The following ECPAS variants were observed in gnomAD, a reference collection of about 807,000 sequenced individuals.
The protein encoded by ECPAS is proteasome adapter and scaffold protein ECM29.
In ECPAS, 70 loss-of-function variants were observed where a neutral mutation model predicts 255.1. The observed-to-expected ratio is 0.27, with a 90% CI of 0.23 to 0.33. ECPAS has a LOEUF of 0.33. Among genes scored for constraint, ECPAS ranks in the 10% least tolerant of loss-of-function variants. The probability of loss-of-function intolerance (pLI) is 1.00; values close to 1 mark genes in which losing one functional copy is unlikely to be tolerated. For synonymous variants in ECPAS, 784 were observed against 775.0 expected, an observed-to-expected ratio of 1.01 and a Z score of -0.19; for missense variants, 1,817 against 2,206.4, an observed-to-expected ratio of 0.82 and a Z score of 3.54.
chr9:111,378,665 A>G lies in ECPAS; in HGVS notation c.3869T>C (p.Leu1290Pro). 1 of 1,613,882 alleles carries G rather than the reference A, an allele frequency of 6.2e-7. No individual in the cohort carries two copies. The highest frequency in any genetic ancestry group is 8.5e-7 in the Non-Finnish European group (1 of 1,179,786). The change falls in exon 36 of 50, where the codon CTC (leucine) becomes CCC (proline). Residue 1290 changes from leucine to proline, a missense_variant. Leu to Pro is a moderately conservative substitution (Grantham distance 98). This residue lies in a region of ECPAS where 960 missense variants were observed against 1,179.0 expected (regional missense o/e 0.81). Coordinates refer to ENST00000684092, the MANE Select transcript of ECPAS (RefSeq NM_001364929.1). ...GAMLKPHAPK[L>P]IPALLESLSV... is the part of the protein sequence containing the mutation. The stretch of plus-strand genomic sequence containing the variant: ...TAAGGACTCTAGCAGAGCTGGAATG[A>G]GTTTTGGTGCATGCGGTTTCAACAT...
At chr9:111,383,968 TATC>T (rs55718434) in intron 34 of ECPAS, among the ~76,000 whole-genome samples, 137 of 150,970 alleles carry the variant, frequency 9.1e-4, no homozygotes, top group African/African-American at 1.3e-3. Context: ...TTTGAAGTGT[TATC>T]ATCATCATCA....
rs1220482620 is a variant in ECPAS, at chr9:111,445,152, C to T, written c.154-658G>A. 1.1e-4 allele frequency among the ~76,000 whole-genome samples: 16 copies of T among 151,848 alleles called. 1 individual carries two copies. The highest frequency in any genetic ancestry group is 3.9e-4 in the East Asian group (2 of 5,150). ...CTGGGATTACAGGTACCCGCCATCA[C>T]GCCTGGCTAATTTTTGTATTCTAGT... On this transcript the variant is annotated intron_variant, in intron 3 of 49. Transcript: ENST00000684092.
At chr9:111,413,839 T>C in intron 20 of ECPAS, 56 bp downstream of exon 20, 2 of 1,109,956 alleles carry the variant, frequency 1.8e-6, no homozygotes, top group South Asian at 3.2e-5. Context: ...AAAGAAATCA[T>C]GAAGTTAAGG....
chr9:111,377,575 A>G (rs2098134818), intron 36 of ECPAS, among the ~76,000 whole-genome samples: 2 of 152,258 alleles, frequency 1.3e-5, no homozygotes, highest in Non-Finnish European at 2.9e-5. Flanking sequence ...ATACATTAAA[A>G]AGAATAAGTG....
At chr9:111,437,815 T>C (rs555925996) in intron 6 of ECPAS, among the ~76,000 whole-genome samples, 2 of 152,294 alleles carry the variant, frequency 1.3e-5, no homozygotes, top group East Asian at 3.9e-4. Context: ...TCTAAGAAAT[T>C]CATTTTGATC....
At chr9:111,483,344 C>G (rs1344074625) in intron 1 of ECPAS, among the ~76,000 whole-genome samples, 1 of 151,246 alleles carries the variant, frequency 6.6e-6, no homozygotes, top group Non-Finnish European at 1.5e-5. Flanking sequence ...ACGGTCCGCG[C>G]CCCGCCCGTC....
chr9:111,449,257 A>G (rs1306647902), intron 3 of ECPAS, among the ~76,000 whole-genome samples: 1 of 152,142 alleles, frequency 6.6e-6, no homozygotes, highest in African/African-American at 2.4e-5. Context: ...ATACAGTTAA[A>G]AAGGGAACAT....
chr9:111,374,819 G>T (rs779035126), intron 38 of ECPAS, among the ~76,000 whole-genome samples: 2 of 152,128 alleles, frequency 1.3e-5, no homozygotes, highest in African/African-American at 4.8e-5. Flanking sequence ...CCTAATAACT[G>T]GATGTGCATT....
rs182718008 is a variant in ECPAS, at chr9:111,456,088, G to A, written c.23-4533C>T. Among the ~76,000 whole-genome samples the A allele has an allele frequency of 6.6e-3, 1,006 of 152,230 alleles. 8 individuals carry two copies. The highest frequency in any genetic ancestry group is 0.024 in the Middle Eastern group (7 of 294). On this transcript the variant is annotated intron_variant, in intron 2 of 49. Coordinates refer to ENST00000684092, the MANE Select transcript of ECPAS (RefSeq NM_001364929.1). ...CATCTGGAATTTTCTTTTGGTATAT[G>A]GAGGGATGTAGGAAACAAGTCTTTG... is the stretch of plus-strand genomic sequence containing the variant.
chr9:111,368,946 AATAACT>A, intron 46 of ECPAS, 83 bp downstream of exon 46: 10 of 1,264,074 alleles, frequency 7.9e-6, no homozygotes, highest in South Asian at 5.1e-5. Flanking sequence ...GATAAGAAAC[AATAACT>A]ATAATTTGTC....
rs1454007519 is a variant in ECPAS at position 111,472,576 on chromosome 9, G to A, written c.22+321C>T. Among the ~76,000 whole-genome samples the A allele has an allele frequency of 2.7e-5, 4 of 150,668 alleles. No homozygotes were observed. In the East Asian group the frequency reaches 5.8e-4, roughly 22 times the overall value. On this transcript the variant is annotated intron_variant, in intron 2 of 49. Coordinates refer to ENST00000684092, the MANE Select transcript of ECPAS (RefSeq NM_001364929.1). ...ATCACTTGAGCCTTGGGAGATCAAGGCTACAATGAGCCATGACTGCCCCAC... is the reference window on the plus strand; with the variant it reads ...ATCACTTGAGCCTTGGGAGATCAAGACTACAATGAGCCATGACTGCCCCAC...
rs537592615 is a variant in ECPAS, at chr9:111,447,985, A to AG, written c.153+3439_153+3440insC. Among the ~76,000 whole-genome samples the AG allele has an allele frequency of 4.3e-3, 657 of 152,254 alleles. 8 individuals carry two copies. Among genetic ancestry groups the AG allele is most frequent in the African/African-American group, 0.015 (634 of 41,566 alleles). ...AGGGAAAGGACAAACAGACCAACTG[A>AG]TAAAACAGGTTAATAATCATGTATA... is the stretch of plus-strand genomic sequence containing the variant. On this transcript the variant is annotated intron_variant, in intron 3 of 49. Transcript: ENST00000684092.
chr9:111,467,573 A>G (rs144163009), intron 2 of ECPAS, among the ~76,000 whole-genome samples: 1 of 152,316 alleles, frequency 6.6e-6, no homozygotes, highest in African/African-American at 2.4e-5. Context: ...TTAAAATACA[A>G]ATCAGGTTAG....
At chr9:111,431,869 T>A (rs1477210716) in intron 8 of ECPAS, among the ~76,000 whole-genome samples, 1 of 152,228 alleles carries the variant, frequency 6.6e-6, no homozygotes, top group African/African-American at 2.4e-5. Flanking sequence ...CTGTTTTAGA[T>A]ATGATTCACC....
At chr9:111,464,960 G>C (rs2098277640) in intron 2 of ECPAS, among the ~76,000 whole-genome samples, 1 of 152,014 alleles carries the variant, frequency 6.6e-6, no homozygotes, top group Admixed American at 6.6e-5. Flanking sequence ...AAGGCCAGTG[G>C]ATCACCTGAG....
rs1191091293 is a variant in ECPAS at position 111,430,555 on chromosome 9, T to A, written c.922A>T (p.Thr308Ser). 1 of 1,585,110 alleles carries A rather than the reference T, an allele frequency of 6.3e-7. No homozygotes were observed. Among genetic ancestry groups the A allele is most frequent in the Non-Finnish European group, 8.6e-7 (1 of 1,159,004 alleles). The part of the protein sequence containing the change: ...KVYLGDIPLK[T>S]KEGAVLKPEL... ...AAATCAAAACAACCTACCTCTTTTG[T>A]CTTCAGTGGTATATCTCCAAGGTAC... The change falls in exon 9 of 50, where the codon ACA (threonine) becomes TCA (serine). Residue 308 changes from threonine to serine, a missense_variant. By Grantham distance (58) the Thr-to-Ser change is moderately conservative (BLOSUM62 1). Transcript: ENST00000684092.
At chr9:111,436,892 G>T (rs775697220) in intron 7 of ECPAS, 48 bp downstream of exon 7, 5 of 1,473,758 alleles carry the variant, frequency 3.4e-6, no homozygotes, top group African/African-American at 1.4e-5. Flanking sequence ...CTTCATAGGG[G>T]AAAGTGTCCA....
rs374740353 is a variant in ECPAS at position 111,406,451 on chromosome 9, G to A, written c.2652+2120C>T. On this transcript the variant is annotated intron_variant, in intron 24 of 49. Transcript: ENST00000684092. The stretch of plus-strand genomic sequence containing the variant: ...TTTTAGTGTTTGGCAGCACAACAGG[G>A]CAACAATAGTTAATAAGAATTTATT... 2.0e-5 allele frequency among the ~76,000 whole-genome samples: 3 copies of A among 149,664 alleles called. No homozygotes were observed. In the South Asian group the frequency reaches 6.3e-4, roughly 31 times the overall value.
At chr9:111,405,520 C>A (rs1488387039) in intron 24 of ECPAS, among the ~76,000 whole-genome samples, 1 of 149,586 alleles carries the variant, frequency 6.7e-6, no homozygotes, top group Non-Finnish European at 1.5e-5. Flanking sequence ...AAAGCACAGA[C>A]AACTAAAGCA....
Sources: gnomAD v4.1 joint callset for allele counts (sites outside exome capture counted in the v4.1 genomes callset) on GRCh38, gnomAD v4.1.1 for gene constraint, gnomAD v4.1.1 regional missense constraint, MANE v1.5 for transcripts, NCBI Gene and HGNC (gene_info 2026-07-23, HGNC 2026-07-21) for gene names.